Variants in ADAM22 observed in about 807,000 individuals in gnomAD.
The protein encoded by ADAM22 is ADAM metallopeptidase domain 22.
ADAM22 carries 65 observed loss-of-function variants against 144.6 expected under a neutral mutation model. The ratio of observed to expected loss-of-function variants is 0.45; its 90% CI spans 0.37 to 0.55. The LOEUF (loss-of-function observed/expected upper bound fraction) is 0.55, where lower values mean the gene tolerates loss of function less well. Among genes scored for constraint, ADAM22 ranks in the 20% least tolerant of loss-of-function variants. The probability of loss-of-function intolerance (pLI) is 0.00; values close to 1 mark genes in which losing one functional copy is unlikely to be tolerated. For missense variants in ADAM22, 974 were observed against 1,184.9 expected (o/e 0.82, Z 2.61); for synonymous variants, 391 against 412.6 (o/e 0.95, Z 0.63).
chr7:88,175,984 T>C (rs918986222), intron 26 of ADAM22, among the ~76,000 whole-genome samples: 1 of 152,126 alleles, frequency 6.6e-6, no homozygotes, highest in Non-Finnish European at 1.5e-5. Context: ...GTTATTATTA[T>C]TTTTTTGAGA....
intron 13 of ADAM22, 75 bp from the exon 14 acceptor site, chr7:88,135,905 T>C: frequency 7.7e-7 from 1 of 1,291,062 alleles, no homozygotes. Flanking sequence ...TGGAGATAAT[T>C]ATTTTAAAAC....
At chr7:88,103,098 G>T (rs1823397158) in intron 4 of ADAM22, among the ~76,000 whole-genome samples, 1 of 152,078 alleles carries the variant, frequency 6.6e-6, no homozygotes, top group African/African-American at 2.4e-5. Context: ...AGAAGGAGGG[G>T]TTAGCAGGAA....
intron 14 of ADAM22, among the ~76,000 whole-genome samples, chr7:88,138,368 G>A (rs1462262472): frequency 2.0e-5 from 3 of 152,160 alleles, no homozygotes; most frequent in Admixed American, 6.5e-5. Context: ...ATAATATACA[G>A]TGAAGTCAAA....
chr7:87,948,197 C>T (rs540452185), intron 2 of ADAM22, among the ~76,000 whole-genome samples: 25 of 152,166 alleles, frequency 1.6e-4, no homozygotes, highest in African/African-American at 2.9e-4. Flanking sequence ...TTCTGCCAAG[C>T]GTCTCTTTCT....
chr7:88,092,172 A>G (rs1820039393), intron 4 of ADAM22, among the ~76,000 whole-genome samples: 1 of 152,136 alleles, frequency 6.6e-6, no homozygotes, highest in African/African-American at 2.4e-5. Flanking sequence ...TCTGGAGTAA[A>G]TGTGAAGTTT....
intron 6 of ADAM22, among the ~76,000 whole-genome samples, chr7:88,116,452 A>C (rs938216987): frequency 6.6e-6 from 1 of 152,166 alleles, no homozygotes; most frequent in Non-Finnish European, 1.5e-5. Context: ...ACATTAAGTC[A>C]TTTTGCCAAA....
intron 3 of ADAM22, among the ~76,000 whole-genome samples, chr7:87,989,457 A>G (rs1789254059): frequency 6.6e-6 from 1 of 152,158 alleles, no homozygotes; most frequent in Admixed American, 6.5e-5. Flanking sequence ...GGCTATTCAC[A>G]GGCATGATTA....
chr7:88,067,555 T>C (rs1011697758), intron 3 of ADAM22, among the ~76,000 whole-genome samples: 16 of 152,174 alleles, frequency 1.1e-4, no homozygotes, highest in African/African-American at 3.6e-4. Context: ...TGGTAACTTT[T>C]CTTTATAGCA....
In ADAM22 at chr7:88,108,384, GA is replaced by G. The variant is rs537499578; in HGVS notation, c.473+127del. 190 of 754,342 alleles carry G rather than the reference GA, an allele frequency of 2.5e-4. No homozygotes were observed. The African/African-American group carries it at 3.1e-3, about 12-fold the overall frequency. The allele number at this position is 754,342 out of a possible 1,614,324, so 46.7% of individuals were successfully genotyped here. A position where few individuals can be genotyped will look rare whatever the true frequency, so the allele number is the denominator to read the frequency against. On this transcript the variant is annotated intron_variant, in intron 5 of 31. Transcript: ENST00000413139. The stretch of plus-strand genomic sequence containing the variant: ...ATGACTTTAAATTGGTGATGGATCT[GA>G]TTTTTTTTTTCTCTTTTGTATTTTA...
At chr7:87,937,324 C>A (rs1279163823) in intron 2 of ADAM22, among the ~76,000 whole-genome samples, 2 of 151,720 alleles carry the variant, frequency 1.3e-5, no homozygotes, top group Admixed American at 1.3e-4. Context: ...TTTTTTTTCC[C>A]CTTGCAATTT....
chr7:87,961,106 G>A (rs957878777), intron 2 of ADAM22, among the ~76,000 whole-genome samples: 1 of 151,964 alleles, frequency 6.6e-6, no homozygotes, highest in Admixed American at 6.6e-5. Flanking sequence ...AGTGTAGGGG[G>A]CATACGTTGT....
intron 4 of ADAM22, among the ~76,000 whole-genome samples, chr7:88,103,470 A>C (rs935470275): frequency 6.6e-6 from 1 of 151,298 alleles, no homozygotes; most frequent in Non-Finnish European, 1.5e-5. Context: ...AAGATAAACC[A>C]ATAATAGACA....
intron 4 of ADAM22, among the ~76,000 whole-genome samples, chr7:88,100,860 A>AG (rs1822724669): frequency 6.6e-6 from 1 of 151,900 alleles, no homozygotes; most frequent in Non-Finnish European, 1.5e-5. Context: ...AGATTGGAGG[A>AG]GGGCAGGTTC....
chr7:88,063,126 T>C (rs536404870), intron 3 of ADAM22, among the ~76,000 whole-genome samples: 1 of 152,316 alleles, frequency 6.6e-6, no homozygotes, highest in Admixed American at 6.5e-5. Flanking sequence ...GCCGGATTGT[T>C]ACAAACCTTC....
At chr7:88,063,568 A>G (rs1275987602) in intron 3 of ADAM22, among the ~76,000 whole-genome samples, 7 of 152,186 alleles carry the variant, frequency 4.6e-5, no homozygotes, top group African/African-American at 9.6e-5. Context: ...TATTTTAAGA[A>G]AATTTTTCAT....
chr7:88,136,119 T>C, intron 14 of ADAM22, 88 bp downstream of exon 14: 1 of 1,175,872 alleles, frequency 8.5e-7, no homozygotes, highest in Non-Finnish European at 1.2e-6. Flanking sequence ...AATAACTTAG[T>C]GCATGGAATC....
At chr7:88,100,999 G>T (rs1235610252) in intron 4 of ADAM22, among the ~76,000 whole-genome samples, 2 of 150,552 alleles carry the variant, frequency 1.3e-5, no homozygotes, top group Non-Finnish European at 3.0e-5. Flanking sequence ...TACCCTTGGG[G>T]GGAATCTAGG....
At chr7:88,162,099 C>CACAG (rs748691317) in intron 22 of ADAM22, among the ~76,000 whole-genome samples, 3 of 122,136 alleles carry the variant, frequency 2.5e-5, no homozygotes, top group Non-Finnish European at 5.3e-5. Flanking sequence ...ATGTGTAATA[C>CACAG]ACACACACAC....
At chr7:88,124,535 A>G (rs1343296424) in intron 7 of ADAM22, among the ~76,000 whole-genome samples, 2 of 151,920 alleles carry the variant, frequency 1.3e-5, no homozygotes, top group Non-Finnish European at 2.9e-5. Flanking sequence ...TTAAAAAAAA[A>G]AAATCCAGTC....
Sources: gnomAD v4.1 joint callset for allele counts (sites outside exome capture counted in the v4.1 genomes callset) on GRCh38, gnomAD v4.1.1 for gene constraint, MANE v1.5 for transcripts, NCBI Gene and HGNC (gene_info 2026-07-23, HGNC 2026-07-21) for gene names.